Variants in PCDHGC4 observed in about 807,000 individuals in gnomAD.
PCDHGC4 encodes the protein protocadherin gamma subfamily C, 4.
PCDHGC4 carries 15 observed loss-of-function variants against 59.7 expected under a neutral mutation model. The observed-to-expected ratio is 0.25, with a 90% confidence interval of 0.17 to 0.39. The LOEUF (loss-of-function observed/expected upper bound fraction) is 0.39. Ranked by LOEUF, PCDHGC4 falls within the 10% of genes least tolerant of loss-of-function variation. The probability of loss-of-function intolerance (pLI) is 1.00; values close to 1 mark genes in which losing one functional copy is unlikely to be tolerated. For missense variants in PCDHGC4, 1,016 were observed against 1,189.5 expected, an observed-to-expected ratio of 0.85 and a Z score of 2.15; for synonymous variants, 434 against 481.4, an observed-to-expected ratio of 0.90 and a Z score of 1.29.
chr5:141,488,054 A>G (rs1255295788), intron 1 of PCDHGC4, among the ~76,000 whole-genome samples: 1 of 152,206 alleles, frequency 6.6e-6, no homozygotes, highest in Admixed American at 6.5e-5. Flanking sequence ...TTGAGGGGAA[A>G]TAAAATCTTT....
rs901230493 is a variant in PCDHGC4, at chr5:141,487,514, C to T, written c.2341C>T (p.Arg781Trp). 7 of 1,614,150 alleles carry T rather than the reference C, an allele frequency of 4.3e-6. No homozygotes were observed. The highest frequency in any genetic ancestry group is 1.1e-5 in the South Asian group (1 of 91,070). The change falls in exon 1 of 4, where the codon CGG becomes TGG. Residue 781 changes from arginine to tryptophan, a missense_variant. Transcript: ENST00000306593. The surrounding 1 kb of genome is among the most constrained non-coding windows in gnomAD (Gnocchi z 5.0). Reference sequence around the variant, plus strand: ...TACACCCTTGGCTTCTGCACCCACTCGGAGTGATAGCTTCATGATGGTGAA... The same window carrying T: ...TACACCCTTGGCTTCTGCACCCACTTGGAGTGATAGCTTCATGATGGTGAA... ...GCTPLASAPT[R>W]SDSFMMVKSP...
rs1165828230 is a variant in PCDHGC4, at chr5:141,511,464, C to T, written c.*291C>T. On this transcript the variant is annotated 3_prime_UTR_variant, in exon 4 of 4. Coordinates refer to ENST00000306593, the MANE Select transcript of PCDHGC4 (RefSeq NM_018928.3). ...ACACCAAGAACCATTTGCCACACCCCGTTTAGTTACAGCTGAACTCCTCCA... is the reference window on the plus strand; with the variant it reads ...ACACCAAGAACCATTTGCCACACCCTGTTTAGTTACAGCTGAACTCCTCCA... 9 of 538,254 alleles carry T rather than the reference C, an allele frequency of 1.7e-5. No individual in the cohort carries two copies. The highest frequency in any genetic ancestry group is 7.8e-5 in the East Asian group (2 of 25,720). 33.3% of individuals were successfully genotyped at this position (538,254 alleles called of 1,614,324 possible).
At position 141,491,196 on chromosome 5, in the gene PCDHGC4, T is replaced by C. The variant is rs899789155; in HGVS notation, c.2442+3581T>C. ...TGGTGGTCCTGGTGAGGGACAATGGTGACCCTTCACTCTCCTCCACAGCCA... is the reference window on the plus strand; with the variant it reads ...TGGTGGTCCTGGTGAGGGACAATGGCGACCCTTCACTCTCCTCCACAGCCA... On this transcript the variant is annotated intron_variant, in intron 1 of 3. Transcript: ENST00000306593. The surrounding 1 kb of genome is among the most constrained non-coding windows in gnomAD (Gnocchi z 6.9). The C allele has an allele frequency of 6.8e-6, 11 of 1,614,186 alleles. No homozygotes were observed. The highest frequency in any genetic ancestry group is 9.3e-6 in the Non-Finnish European group (11 of 1,180,030).
Position 141,491,401 on chromosome 5 carries a change from G to T in PCDHGC4, c.2443-3406G>T, listed in dbSNP as rs1442005704. ...GTCAGCGAAGTGCCTTCAGGGAAAC[G>T]CAGACGGGGACGGGGGTGGAGGGCA... On this transcript the variant is annotated intron_variant, in intron 1 of 3. Coordinates refer to ENST00000306593, the MANE Select transcript of PCDHGC4 (RefSeq NM_018928.3). The surrounding 1 kb of genome is among the most constrained non-coding windows in gnomAD (Gnocchi z 6.9). 1.2e-6 allele frequency: 2 copies of T among 1,614,102 alleles called. No homozygotes were observed. Among genetic ancestry groups the T allele is most frequent in the Non-Finnish European group, 1.7e-6 (2 of 1,179,990 alleles).
At position 141,493,026 on chromosome 5, in the gene PCDHGC4, C is replaced by G. The variant is rs73280358; in HGVS notation, c.2443-1781C>G. Reference sequence around the variant, plus strand: ...TAGGCTCTGCCAGATGCCAGGGTGCCCTTATGTGTGAGGAAACTACAATAG... The same window carrying G: ...TAGGCTCTGCCAGATGCCAGGGTGCGCTTATGTGTGAGGAAACTACAATAG... On this transcript the variant is annotated intron_variant, in intron 1 of 3. Coordinates refer to ENST00000306593, the MANE Select transcript of PCDHGC4 (RefSeq NM_018928.3). This position sits in a 1 kb window ranked among gnomAD's most constrained non-coding sequence, Gnocchi z 4.3. 0.039 allele frequency among the ~76,000 whole-genome samples: 5,923 copies of G among 152,298 alleles called. 150 individuals are homozygous for G. The highest frequency in any genetic ancestry group is 0.077 in the South Asian group (370 of 4,822).
intron 2 of PCDHGC4, among the ~76,000 whole-genome samples, chr5:141,501,052 A>G (rs1007055288): frequency 6.6e-6 from 1 of 151,988 alleles, no homozygotes; most frequent in Non-Finnish European, 1.5e-5. Flanking sequence ...TATTTTTAGT[A>G]GAGACGGGGT....
intron 3 of PCDHGC4, among the ~76,000 whole-genome samples, chr5:141,506,861 G>A (rs2099856791): frequency 6.6e-6 from 1 of 152,178 alleles, no homozygotes; most frequent in African/African-American, 2.4e-5. Context: ...TGGAGGACTG[G>A]TGGGTAGAGA....
chr5:141,504,379 G>T (rs181617363), intron 2 of PCDHGC4, among the ~76,000 whole-genome samples: 1 of 152,088 alleles, frequency 6.6e-6, no homozygotes, highest in African/African-American at 2.4e-5. Context: ...AGGTGGAGTC[G>T]CTGCCTCACA....
In PCDHGC4 at chr5:141,486,288, T is replaced by G. The variant is rs1181533037; in HGVS notation, c.1115T>G (p.Ile372Ser). ...SAEPGTVVAL[I>S]SVQDPDSGSN... ...GAACCTGGCACTGTGGTGGCACTTA[T>G]CAGTGTGCAGGATCCAGACTCAGGG... The change falls in exon 1 of 4, where the codon ATC becomes AGC. Residue 372 changes from isoleucine to serine, a missense_variant. Transcript: ENST00000306593. This position sits in a 1 kb window ranked among gnomAD's most constrained non-coding sequence, Gnocchi z 5.0. The G allele has an allele frequency of 6.2e-7, 1 of 1,613,996 alleles. No individual in the cohort carries two copies. The highest frequency in any genetic ancestry group is 1.7e-5 in the Admixed American group (1 of 60,000).
At chr5:141,504,842 A>G (rs944461166) in intron 2 of PCDHGC4, among the ~76,000 whole-genome samples, 7 of 151,968 alleles carry the variant, frequency 4.6e-5, no homozygotes, top group African/African-American at 1.7e-4. Context: ...CTAGCTCTGG[A>G]ACATTCTCTT....
At chr5:141,509,692 C>T (rs755446680) in intron 3 of PCDHGC4, among the ~76,000 whole-genome samples, 8 of 152,126 alleles carry the variant, frequency 5.3e-5, no homozygotes, top group Non-Finnish European at 1.0e-4. Context: ...TACAGTGGGA[C>T]GTTGGACTGG....
In PCDHGC4 at chr5:141,489,504, A is replaced by G. The variant is rs148241772; in HGVS notation, c.2442+1889A>G. 193 of 1,614,016 alleles carry G rather than the reference A, an allele frequency of 1.2e-4. No individual in the cohort carries two copies. Among genetic ancestry groups the G allele is most frequent in the Non-Finnish European group, 1.6e-4 (184 of 1,180,046 alleles). On this transcript the variant is annotated intron_variant, in intron 1 of 3. Transcript: ENST00000306593. The surrounding 1 kb of genome is among the most constrained non-coding windows in gnomAD (Gnocchi z 4.5). ...TGAGTGGTGCCCTGGCAGTGAATCA[A>G]AAGATTGACCGAGAAAGCCTATGTG...
In PCDHGC4 at chr5:141,490,647, G is replaced by T; in HGVS notation, c.2442+3032G>T. 6.2e-7 allele frequency: 1 copy of T among 1,614,084 alleles called. No homozygotes were observed. Among genetic ancestry groups the T allele is most frequent in the Non-Finnish European group, 8.5e-7 (1 of 1,180,014 alleles). ...CTTACATCCTAGAAAACCGGCCTCCGGGCTCCCTTCTTTGCACTGTGGCTG... is the reference window on the plus strand; with the variant it reads ...CTTACATCCTAGAAAACCGGCCTCCTGGCTCCCTTCTTTGCACTGTGGCTG... On this transcript the variant is annotated intron_variant, in intron 1 of 3. Transcript: ENST00000306593. This position sits in a 1 kb window ranked among gnomAD's most constrained non-coding sequence, Gnocchi z 5.4.
Position 141,487,401 on chromosome 5 carries a change from T to C in PCDHGC4, c.2228T>C (p.Leu743Pro), listed in dbSNP as rs2099644244. The C allele has an allele frequency of 6.2e-7, 1 of 1,614,134 alleles. No individual in the cohort carries two copies. The highest frequency in any genetic ancestry group is 1.3e-5 in the African/African-American group (1 of 75,046). Residue 743 changes from leucine (L) to proline (P), a missense_variant, in exon 1 of 4, where the codon CTT becomes CCT. By Grantham distance (98) the Leu-to-Pro change is moderately conservative. Transcript: ENST00000306593. This position sits in a 1 kb window ranked among gnomAD's most constrained non-coding sequence, Gnocchi z 5.0. Reference protein sequence around the residue: ...CLTRSRRREGLPPSNGILRIQ... With the variant: ...CLTRSRRREGPPPSNGILRIQ... ...ACCAGATCTCGAAGGAGGGAGGGGCTTCCCCCTTCCAATGGGATCCTCCGA... is the reference window on the plus strand; with the variant it reads ...ACCAGATCTCGAAGGAGGGAGGGGCCTCCCCCTTCCAATGGGATCCTCCGA...
intron 2 of PCDHGC4, among the ~76,000 whole-genome samples, chr5:141,496,753 A>G (rs2099771084): frequency 6.6e-6 from 1 of 152,166 alleles, no homozygotes; most frequent in Admixed American, 6.5e-5. Flanking sequence ...TTCAACAAAT[A>G]TTTATCGAGC....
At chr5:141,497,827 C>T (rs1390986916) in intron 2 of PCDHGC4, among the ~76,000 whole-genome samples, 3 of 152,188 alleles carry the variant, frequency 2.0e-5, no homozygotes, top group East Asian at 3.9e-4. Flanking sequence ...GGTGTGATCG[C>T]CCCCGGCCAC....
chr5:141,485,805 T>C lies in PCDHGC4; in HGVS notation c.632T>C (p.Val211Ala), dbSNP rs753916789. ...GAGAAGCAATCGGACTACCGCCTGG[T>C]GCTGACTGCTGTCGATGGAGGGAAC... ...DREKQSDYRL[V>A]LTAVDGGNPP... The change falls in exon 1 of 4, where the codon GTG (valine) becomes GCG (alanine). Residue 211 changes from valine to alanine, a missense_variant. Coordinates refer to ENST00000306593, the MANE Select transcript of PCDHGC4 (RefSeq NM_018928.3). The surrounding 1 kb of genome is among the most constrained non-coding windows in gnomAD (Gnocchi z 5.7). 1.2e-6 allele frequency: 2 copies of C among 1,614,198 alleles called. No individual in the cohort carries two copies. The highest frequency in any genetic ancestry group is 1.7e-6 in the Non-Finnish European group (2 of 1,180,026).
chr5:141,507,525 A>T (rs1053801558), intron 3 of PCDHGC4, among the ~76,000 whole-genome samples: 1 of 152,000 alleles, frequency 6.6e-6, no homozygotes, highest in Non-Finnish European at 1.5e-5. Context: ...ATGATTCCAG[A>T]GAGGCCAGAG....
chr5:141,490,908 C>T lies in PCDHGC4; in HGVS notation c.2442+3293C>T, dbSNP rs201078924. On this transcript the variant is annotated intron_variant, in intron 1 of 3. Coordinates refer to ENST00000306593, the MANE Select transcript of PCDHGC4 (RefSeq NM_018928.3). This position sits in a 1 kb window ranked among gnomAD's most constrained non-coding sequence, Gnocchi z 5.4. The stretch of plus-strand genomic sequence containing the variant: ...CATCTCTGCATGTGTTTGTCCTAGA[C>T]GAGAATGATAATGCCCCAGCTGTGC... 42 of 1,613,710 alleles carry T rather than the reference C, an allele frequency of 2.6e-5. No homozygotes were observed. The highest frequency in any genetic ancestry group is 8.3e-5 in the Admixed American group (5 of 60,018).
Sources: gnomAD v4.1 joint callset for allele counts (sites outside exome capture counted in the v4.1 genomes callset) on GRCh38, gnomAD v4.1.1 for gene constraint, Gnocchi (gnomAD v3.1) non-coding constraint, MANE v1.5 for transcripts, NCBI Gene and HGNC (gene_info 2026-07-23, HGNC 2026-07-21) for gene names.